The following DGKK variants were observed in gnomAD, a reference collection of about 807,000 sequenced individuals.
DGKK encodes the protein 142 kDa diacylglycerol kinase.
DGKK carries 35 observed loss-of-function variants against 92.2 expected under a neutral mutation model. The ratio of observed to expected loss-of-function variants is 0.38; its 90% confidence interval spans 0.29 to 0.50. The LOEUF is 0.50. Among genes scored for constraint, DGKK ranks in the 20% least tolerant of loss-of-function variants. The probability of loss-of-function intolerance (pLI) is 0.92; values close to 1 mark genes in which losing one functional copy is unlikely to be tolerated. For missense variants in DGKK, 910 were observed against 992.2 expected (o/e 0.92, Z 1.11); for synonymous variants, 368 against 360.6 (o/e 1.02, Z -0.23).
chrX:50,407,917 T>A (rs182268607), intron 4 of DGKK, among the ~76,000 whole-genome samples: 1 of 112,439 alleles, frequency 8.9e-6, no homozygotes, highest in African/African-American at 3.2e-5. Flanking sequence ...AGATATGGGA[T>A]AAAATGAAGG....
chrX:50,470,569 G>A lies in DGKK; in HGVS notation c.110C>T (p.Pro37Leu), dbSNP rs1557234514. The A allele has an allele frequency of 8.3e-7, 1 of 1,203,674 alleles. No individual in the cohort carries two copies. The highest frequency in any genetic ancestry group is 2.2e-5 in the Admixed American group (1 of 45,696). ...PPPWPPPPPP[P>L]APPPAPPLLS... ...CAGCGGCGGAGCCGGCGGCGGAGCC[G>A]GTGGTGGTGGCGGCGGCGGCCAAGG... Residue 37 changes from proline to leucine, a missense_variant, in exon 1 of 28, where the codon CCG (proline) becomes CTG (leucine). Physicochemically the swap from Pro to Leu is moderately conservative, Grantham distance 98. Transcript: ENST00000611977.
Position 50,366,404 on chromosome X carries a change from C to T in DGKK, c.*2536G>A, listed in dbSNP as rs901737476. The T allele has an allele frequency of 1.6e-4, 18 of 111,551 alleles. No individual in the cohort carries two copies. The highest frequency in any genetic ancestry group is 4.9e-4 in the African/African-American group (15 of 30,646). 9.2% of individuals were successfully genotyped at this position (111,551 alleles called of 1,213,427 possible). On this transcript the variant is annotated 3_prime_UTR_variant, in exon 28 of 28. Coordinates refer to ENST00000611977, the MANE Select transcript of DGKK (RefSeq NM_001013742.4). Reference sequence around the variant, plus strand: ...ACTGTGCTCCATGAGCTGACTCTAGCCCCAAATACTAGTGGTTTCAGTCAA... The same window carrying T: ...ACTGTGCTCCATGAGCTGACTCTAGTCCCAAATACTAGTGGTTTCAGTCAA...
intron 22 of DGKK, among the ~76,000 whole-genome samples, chrX:50,377,895 C>T (rs924860712): frequency 9.9e-5 from 11 of 111,046 alleles, no homozygotes; most frequent in African/African-American, 3.6e-4. Flanking sequence ...ATTTGGGTTC[C>T]TGGGAACTAT....
chrX:50,375,326 G>T (rs782755523), intron 24 of DGKK, among the ~76,000 whole-genome samples: 1 of 111,608 alleles, frequency 9.0e-6, no homozygotes, highest in East Asian at 2.8e-4. Flanking sequence ...ATCACTGATT[G>T]ATTGCAGTGG....
intron 1 of DGKK, among the ~76,000 whole-genome samples, chrX:50,453,546 G>A (rs782329266): frequency 9.0e-6 from 1 of 111,622 alleles, no homozygotes; most frequent in African/African-American, 3.3e-5. Flanking sequence ...CCAATTAGAA[G>A]TAGTATTCCT....
chrX:50,411,578 T>C (rs986056890), intron 4 of DGKK, among the ~76,000 whole-genome samples: 1 of 111,992 alleles, frequency 8.9e-6, no homozygotes, highest in Non-Finnish European at 1.9e-5. Context: ...GTAACCAGCA[T>C]AATAAAGGCC....
chrX:50,407,469 T>C (rs181505049), intron 4 of DGKK, among the ~76,000 whole-genome samples: 29 of 110,682 alleles, frequency 2.6e-4, no homozygotes, highest in African/African-American at 8.9e-4. Flanking sequence ...CCTCAACGTG[T>C]GCATGCAGAG....
chrX:50,464,737 G>T lies in DGKK; in HGVS notation c.645+5297C>A. Among the ~76,000 whole-genome samples, 2 of 110,384 alleles carry T rather than the reference G, an allele frequency of 1.8e-5. 1 individual carries two copies. The highest frequency in any genetic ancestry group is 9.3e-3 in the Middle Eastern group (2 of 214). ...ATAGGTCTCTTATCTTGTGGTTAGA[G>T]GGATGGTATCTTTCTTTGAACTATT... On this transcript the variant is annotated intron_variant, in intron 1 of 27. Coordinates refer to ENST00000611977, the MANE Select transcript of DGKK (RefSeq NM_001013742.4).
rs1557229251 is a variant in DGKK, at chrX:50,422,528, TG to T, written c.757-3del. The T allele has an allele frequency of 1.7e-6, 2 of 1,199,575 alleles. No homozygotes were observed. Among genetic ancestry groups the T allele is most frequent in the Non-Finnish European group, 2.2e-6 (2 of 888,904 alleles). On this transcript the variant is annotated splice_region_variant and splice_polypyrimidine_tract_variant and intron_variant, in intron 2 of 27. Coordinates refer to ENST00000611977, the MANE Select transcript of DGKK (RefSeq NM_001013742.4). Reference sequence around the variant, plus strand: ...ATCAATCGTTTCAAAGTGTGCAAACTGGAAAGATATAAGACAGAGAGGGACA... The same window carrying T: ...ATCAATCGTTTCAAAGTGTGCAAACTGAAAGATATAAGACAGAGAGGGACA...
chrX:50,385,409 T>TC (rs1426919746), intron 15 of DGKK, among the ~76,000 whole-genome samples: 2 of 111,964 alleles, frequency 1.8e-5, no homozygotes, highest in East Asian at 5.6e-4. Context: ...TTTTCCTATC[T>TC]CATAGCCACA....
Position 50,393,244 on chromosome X carries a change from G to A in DGKK, c.1503C>T (p.Gly501=), listed in dbSNP as rs1033898750. Residue 501 remains glycine (G), a synonymous_variant, in exon 9 of 28, where the codon GGC becomes GGT. Transcript: ENST00000611977. ...PLLIFINSKS[G]DHQGIVFLRK... ...GGAGGAAGACGATCCCCTGATGATC[G>A]CCACTTTTGGAGTTGATGAAGATGA... The A allele has an allele frequency of 4.1e-6, 5 of 1,208,960 alleles. No individual in the cohort carries two copies. Among genetic ancestry groups the A allele is most frequent in the Non-Finnish European group, 5.6e-6 (5 of 893,545 alleles).
At position 50,387,597 on chromosome X, in the gene DGKK, T is replaced by C; in HGVS notation, c.2075A>G (p.Gln692Arg). Residue 692 changes from glutamine (Q) to arginine (R), a missense_variant, in exon 14 of 28, where the codon CAG becomes CGG. Transcript: ENST00000611977. ...FVVDIVKAWG[Q>R]IKQNNTAIVS... is the part of the protein sequence containing the mutation. ...TATTGCAGTGTTGTTCTGTTTTATC[T>C]GACCCCAGGCCTTTACAATATCAAC... The C allele has an allele frequency of 8.3e-7, 1 of 1,209,654 alleles. No homozygotes were observed. Among genetic ancestry groups the C allele is most frequent in the South Asian group, 1.8e-5 (1 of 56,828 alleles).
chrX:50,400,188 T>C (rs189136370), intron 8 of DGKK, among the ~76,000 whole-genome samples: 124 of 111,558 alleles, frequency 1.1e-3, no homozygotes, highest in African/African-American at 3.9e-3. Context: ...CTAGCTCTTG[T>C]TTTTTTTCCT....
At chrX:50,439,601 T>C (rs1190110296) in intron 1 of DGKK, among the ~76,000 whole-genome samples, 1 of 110,850 alleles carries the variant, frequency 9.0e-6, no homozygotes, top group Non-Finnish European at 1.9e-5. Flanking sequence ...CAATTTGATA[T>C]TAGTGTTTTG....
rs1033067020 is a variant in DGKK, at chrX:50,467,053, C to T, written c.645+2981G>A. ...AAACAAAATTTTGTCTTTCTTCAAG[C>T]ACAGCTGATGAGAGAGAAAGAAACA... On this transcript the variant is annotated intron_variant, in intron 1 of 27. Transcript: ENST00000611977. 5.9e-4 allele frequency among the ~76,000 whole-genome samples: 66 copies of T among 111,827 alleles called. 1 individual carries two copies. Among genetic ancestry groups the T allele is most frequent in the African/African-American group, 2.1e-3 (66 of 30,769 alleles).
intron 4 of DGKK, among the ~76,000 whole-genome samples, chrX:50,414,265 A>T (rs1456986167): frequency 1.8e-5 from 2 of 111,634 alleles, no homozygotes; most frequent in African/African-American, 3.3e-5. Context: ...GAATTTTGAG[A>T]TCTATTGTGC....
At chrX:50,405,124 C>T (rs1248967792) in intron 4 of DGKK, among the ~76,000 whole-genome samples, 1 of 112,271 alleles carries the variant, frequency 8.9e-6, no homozygotes, top group Non-Finnish European at 1.9e-5. Context: ...GTGAACAAGA[C>T]ACAACCCCTG....
At chrX:50,428,225 AT>A (rs1302385924) in intron 1 of DGKK, among the ~76,000 whole-genome samples, 1 of 105,637 alleles carries the variant, frequency 9.5e-6, no homozygotes, top group Non-Finnish European at 1.9e-5. Flanking sequence ...TTATTAACAC[AT>A]TTTAGATTAA....
chrX:50,439,877 A>G (rs1173754386), intron 1 of DGKK, among the ~76,000 whole-genome samples: 1 of 110,929 alleles, frequency 9.0e-6, no homozygotes, highest in Non-Finnish European at 1.9e-5. Flanking sequence ...AAAAAACAGA[A>G]CCTATTACAT....
Sources: gnomAD v4.1 joint callset for allele counts (sites outside exome capture counted in the v4.1 genomes callset) on GRCh38, gnomAD v4.1.1 for gene constraint, MANE v1.5 for transcripts, NCBI Gene and HGNC (gene_info 2026-07-23, HGNC 2026-07-21) for gene names.